TMEM114: variants seen among roughly 807,000 people sequenced by gnomAD.
TMEM114 encodes transmembrane protein 114.
TMEM114 carries 6 observed loss-of-function variants against 6.2 expected under a neutral mutation model. The observed-to-expected ratio is 0.97, with a 90% CI of 0.53 to 1.91. The LOEUF (loss-of-function observed/expected upper bound fraction) is 1.91. Among genes scored for constraint, TMEM114 ranks in the 40% most tolerant of loss-of-function variants. The probability of loss-of-function intolerance (pLI) is 0.01; values close to 1 mark genes in which losing one functional copy is unlikely to be tolerated. For synonymous variants in TMEM114, 104 were observed against 73.0 expected (o/e 1.42, Z -2.16); for missense variants, 218 against 158.3 (o/e 1.38, Z -2.02).
At chr16:8,540,010 G>A (rs1487149895) in intron 2 of TMEM114, among the ~76,000 whole-genome samples, 1 of 151,954 alleles carries the variant, frequency 6.6e-6, no homozygotes, top group African/African-American at 2.4e-5. Flanking sequence ...TAGAGATGGG[G>A]TTTCACCACG....
At chr16:8,561,743 G>T (rs867439438) in intron 2 of TMEM114, among the ~76,000 whole-genome samples, 1 of 151,554 alleles carries the variant, frequency 6.6e-6, no homozygotes, top group African/African-American at 2.4e-5. Flanking sequence ...GGCAATGAGT[G>T]GGGGAATGAA....
At chr16:8,587,467 G>A in intron 2 of TMEM114, among the ~76,000 whole-genome samples, 1 of 152,318 alleles carries the variant, frequency 6.6e-6, no homozygotes, top group Middle Eastern at 3.4e-3. Context: ...TTAGCAGTTA[G>A]CCAAGTCAAG....
chr16:8,578,101 T>C (rs1383456110), intron 2 of TMEM114, among the ~76,000 whole-genome samples: 1 of 151,712 alleles, frequency 6.6e-6, no homozygotes, highest in Non-Finnish European at 1.5e-5. Flanking sequence ...ACAGAGGAAA[T>C]AAGTGTGAGG....
At chr16:8,558,828 C>T (rs1263517938) in intron 2 of TMEM114, among the ~76,000 whole-genome samples, 1 of 151,522 alleles carries the variant, frequency 6.6e-6, no homozygotes, top group South Asian at 2.1e-4. Flanking sequence ...GCAACCCCTG[C>T]CTCCTGGGTT....
chr16:8,554,772 C>T (rs1308713631), intron 2 of TMEM114, among the ~76,000 whole-genome samples: 1 of 152,230 alleles, frequency 6.6e-6, no homozygotes. Context: ...GTTCTACGTA[C>T]TTTGCCTGCT....
chr16:8,572,895 G>A (rs189225907), intron 2 of TMEM114, among the ~76,000 whole-genome samples: 1 of 152,320 alleles, frequency 6.6e-6, no homozygotes, highest in South Asian at 2.1e-4. Context: ...GGGACCTTAA[G>A]AGATCTAAAA....
the TMEM114 span, chr16:8,531,953 T>A: frequency 5.9e-5 from 9 of 152,224 alleles, no homozygotes; most frequent in African/African-American, 1.4e-4. Context: ...GAAGTAAAGT[T>A]GAATTCATAA....
At chr16:8,564,948 GGTGAGTGAATGA>G (rs1901484922), downstream of TMEM114, among the ~76,000 whole-genome samples, 1 of 40,350 alleles carries the variant, frequency 2.5e-5, no homozygotes, top group Admixed American at 2.4e-4. Flanking sequence ...TGAGGGAATG[GGTGAGTGAATGA>G]GTGAGTGAGG....
intron 2 of TMEM114, among the ~76,000 whole-genome samples, chr16:8,551,212 T>C (rs1900833803): frequency 6.6e-6 from 1 of 152,140 alleles, no homozygotes; most frequent in African/African-American, 2.4e-5. Context: ...CCAAAACATT[T>C]GGCCAGACTT....
the TMEM114 span, among the ~76,000 whole-genome samples, chr16:8,530,572 A>G: frequency 1.4e-5 from 1 of 71,734 alleles, no homozygotes; most frequent in Admixed American, 1.5e-4. Context: ...CGAGGGAGAC[A>G]GAGAGGAGAG....
chr16:8,570,032 A>C, intron 3 of TMEM114, 27 bp from the exon 4 acceptor site: 1 of 1,533,726 alleles, frequency 6.5e-7, no homozygotes, highest in Non-Finnish European at 8.8e-7. Flanking sequence ...GGGAGAGCAG[A>C]TCAATCCCCC....
intron 2 of TMEM114, among the ~76,000 whole-genome samples, chr16:8,539,861 A>C (rs1473095588): frequency 6.6e-6 from 1 of 152,152 alleles, no homozygotes; most frequent in Non-Finnish European, 1.5e-5. Flanking sequence ...TCTGCCACCC[A>C]GGCTGGAATG....
rs1196055034 is a variant in TMEM114, at chr16:8,589,681, G to A, written c.158C>T (p.Ser53Phe). The A allele has an allele frequency of 5.0e-6, 2 of 398,386 alleles. No homozygotes were observed. Among genetic ancestry groups the A allele is most frequent in the Admixed American group, 8.8e-5 (2 of 22,704 alleles). 24.7% of individuals were successfully genotyped at this position (398,386 alleles called of 1,614,324 possible). Residue 53 changes from serine (S) to phenylalanine (F), a missense_variant, in exon 1 of 4, where the codon TCC (serine) becomes TTC (phenylalanine). Ser to Phe is a radical substitution (Grantham distance 155). Transcript: ENST00000620492. The stretch of plus-strand genomic sequence containing the variant: ...AGGCTCGGGCTGGCTGCGATTGATG[G>A]ACCCCAGCAGGTCCTGCGCCCCCGG... ...TGPGAQDLLGSINRSQPEPLS... is the reference protein window; with the variant it reads ...TGPGAQDLLGFINRSQPEPLS...
At chr16:8,541,582 C>G (rs555637455) in intron 2 of TMEM114, among the ~76,000 whole-genome samples, 1 of 152,118 alleles carries the variant, frequency 6.6e-6, no homozygotes, top group African/African-American at 2.4e-5. Flanking sequence ...TCATTCCAGT[C>G]CCACATCTTC....
At chr16:8,561,557 C>T (rs925293040) in intron 2 of TMEM114, among the ~76,000 whole-genome samples, 3 of 152,184 alleles carry the variant, frequency 2.0e-5, no homozygotes, top group Non-Finnish European at 4.4e-5. Context: ...GCACCTGGCA[C>T]ATCAGGCATC....
downstream of TMEM114, among the ~76,000 whole-genome samples, chr16:8,537,279 T>C (rs750071262): frequency 2.0e-5 from 3 of 152,126 alleles, no homozygotes; most frequent in Non-Finnish European, 2.9e-5. Context: ...GGCCGGCAGA[T>C]GACCTGAGAT....
intron 2 of TMEM114, among the ~76,000 whole-genome samples, chr16:8,557,665 C>T (rs764468208): frequency 5.3e-5 from 8 of 152,166 alleles, no homozygotes; most frequent in African/African-American, 1.9e-4. Context: ...TTTCCAGAAC[C>T]AACTTACCCA....
the TMEM114 span, among the ~76,000 whole-genome samples, chr16:8,530,591 C>A: frequency 6.7e-6 from 1 of 149,618 alleles, no homozygotes; most frequent in Non-Finnish European, 1.5e-5. Context: ...AGAAAGAAAG[C>A]AGGAAGGAAG....
downstream of TMEM114, among the ~76,000 whole-genome samples, chr16:8,535,916 G>C (rs1900342727): frequency 6.6e-6 from 1 of 152,168 alleles, no homozygotes; most frequent in Admixed American, 6.5e-5. Flanking sequence ...CAAAATGAAA[G>C]ATAAAAGCTT....
Sources: allele counts gnomAD v4.1 joint callset (sites outside exome capture counted in the v4.1 genomes callset), GRCh38; gene constraint gnomAD v4.1.1; transcripts MANE v1.5; gene names NCBI Gene and HGNC (gene_info 2026-07-23, HGNC 2026-07-21).